The following CARS2 variants were observed in gnomAD, a reference collection of about 807,000 sequenced individuals.
The protein encoded by CARS2 is cysteinyl-tRNA synthetase 2, mitochondrial.
In CARS2, 52 loss-of-function variants were observed where a neutral mutation model predicts 68.8. The ratio of observed to expected loss-of-function variants is 0.76; its 90% CI spans 0.61 to 0.95. CARS2 has a LOEUF of 0.95. Among genes scored for constraint, CARS2 ranks in the 40% least tolerant of loss-of-function variants. The probability of loss-of-function intolerance (pLI) is 0.00; values close to 1 mark genes in which losing one functional copy is unlikely to be tolerated. For missense variants in CARS2, 780 were observed against 754.2 expected (o/e 1.03, Z -0.40); for synonymous variants, 314 against 303.6 (o/e 1.03, Z -0.36).
chr13:110,648,712 T>A (rs2062115991), intron 10 of CARS2: 1 of 152,134 alleles, frequency 6.6e-6, no homozygotes, highest in Admixed American at 6.5e-5. Flanking sequence ...GGCAGATCGG[T>A]GCCTCCTGAA....
chr13:110,691,795 A>G (rs890492265), intron 3 of CARS2, among the ~76,000 whole-genome samples: 3 of 151,984 alleles, frequency 2.0e-5, no homozygotes, highest in Admixed American at 2.0e-4. Flanking sequence ...CTTTAAAGCC[A>G]CAGATAACAG....
rs1594329497 is a variant in CARS2 at position 110,676,928 on chromosome 13, C to G, written c.785+46G>C. On this transcript the variant is annotated intron_variant, in intron 7 of 14. Transcript: ENST00000257347. The surrounding 1 kb of genome is among the most constrained non-coding windows in gnomAD (Gnocchi z 4.0). ...ATCCTCTGCTGCCCTGAGCAGGCAC[C>G]AGGGGAACTTGAGCCCCAACCCCCA... 1 of 1,492,000 alleles carries G rather than the reference C, an allele frequency of 6.7e-7. No individual in the cohort carries two copies. The highest frequency in any genetic ancestry group is 2.5e-5 in the East Asian group (1 of 40,766). 92.4% of individuals were successfully genotyped at this position (1,492,000 alleles called of 1,614,324 possible).
At position 110,645,940 on chromosome 13, in the gene CARS2, C is replaced by T. The variant is rs116312064; in HGVS notation, c.1317+27G>A. On this transcript the variant is annotated intron_variant, in intron 12 of 14. Transcript: ENST00000257347. ...CGACCCATGCCCCTGGCAGCAGGAC[C>T]GCAAGGCCACCTGTTCGTTGAGCTA... 16,645 of 1,607,402 alleles carry T rather than the reference C, an allele frequency of 0.01. 108 individuals are homozygous for T. Among genetic ancestry groups the T allele is most frequent in the African/African-American group, 0.014 (1,012 of 74,636 alleles).
chr13:110,643,323 T>C (rs948103860), intron 13 of CARS2: 5 of 157,162 alleles, frequency 3.2e-5, no homozygotes, highest in Admixed American at 2.5e-4. Flanking sequence ...AACATGTACA[T>C]TGCAAAAACT....
chr13:110,642,491 A>G lies in CARS2; in HGVS notation c.1447T>C (p.Leu483=), dbSNP rs1173470463. ...ACCAGCTCGTCCACCACACCATGCAAGGTAGCCTCGCTGCCGTCTCCTGAA... is the reference window on the plus strand; with the variant it reads ...ACCAGCTCGTCCACCACACCATGCAGGGTAGCCTCGCTGCCGTCTCCTGAA... ...YVSGDGSEAT[L]HGVVDELVRF... The change falls in exon 14 of 15, where the codon TTG becomes CTG. Residue 483 remains leucine, a synonymous_variant. Transcript: ENST00000257347. 2 of 1,609,390 alleles carry G rather than the reference A, an allele frequency of 1.2e-6. No individual in the cohort carries two copies. The highest frequency in any genetic ancestry group is 1.7e-5 in the Admixed American group (1 of 59,664).
At chr13:110,712,687 G>C (rs1299042616) in intron 1 of CARS2, 1 of 669,602 alleles carries the variant, frequency 1.5e-6, no homozygotes, top group African/African-American at 1.8e-5. Context: ...GACGCCGGCC[G>C]ACCGGGTGTC....
chr13:110,642,207 CAAA>C, intron 14 of CARS2, 105 bp downstream of exon 14: 1 of 865,300 alleles, frequency 1.2e-6, no homozygotes, highest in Admixed American at 2.4e-5. Context: ...AACTCCGTCT[CAAA>C]AAAAAAGCAT....
chr13:110,688,286 T>C lies in CARS2; in HGVS notation c.394-268A>G, dbSNP rs1390659979. Among the ~76,000 whole-genome samples, 5 of 152,218 alleles carry C rather than the reference T, an allele frequency of 3.3e-5. No homozygotes were observed. In the East Asian group the frequency reaches 7.8e-4, roughly 24 times the overall value. ...AAATAATGTCACAATTTCCATTATA[T>C]AGTAAAAAACAAACCAGCTGGGTGC... is the stretch of plus-strand genomic sequence containing the variant. On this transcript the variant is annotated intron_variant, in intron 3 of 14. Coordinates refer to ENST00000257347, the MANE Select transcript of CARS2 (RefSeq NM_024537.4).
chr13:110,665,819 A>T lies in CARS2; in HGVS notation c.919+1521T>A, dbSNP rs2062633381. 1.0e-6 allele frequency: 1 copy of T among 985,312 alleles called. No homozygotes were observed. The highest frequency in any genetic ancestry group is 6.1e-5 in the Admixed American group (1 of 16,266). 61.0% of individuals were successfully genotyped at this position (985,312 alleles called of 1,614,324 possible). A position where few individuals can be genotyped will look rare whatever the true frequency, so the allele number is the denominator to read the frequency against. On this transcript the variant is annotated intron_variant, in intron 8 of 14. Coordinates refer to ENST00000257347, the MANE Select transcript of CARS2 (RefSeq NM_024537.4). This position sits in a 1 kb window ranked among gnomAD's most constrained non-coding sequence, Gnocchi z 4.3. ...ACCCAAGTGAACCCTGCTGCGGACC[A>T]GAAAACCGGAGCACTTCTGCATTTA...
intron 8 of CARS2, chr13:110,663,960 C>T (rs2062578535): frequency 2.0e-6 from 2 of 991,080 alleles, no homozygotes; most frequent in Non-Finnish European, 2.4e-6. Context: ...AACAGAGTGG[C>T]ACTTGTGGGT....
chr13:110,708,454 C>A (rs951426777), upstream of CARS2, among the ~76,000 whole-genome samples: 4 of 152,130 alleles, frequency 2.6e-5, no homozygotes, highest in African/African-American at 7.2e-5. Context: ...TCTGGACATG[C>A]GGTATATTTG....
At position 110,667,480 on chromosome 13, in the gene CARS2, GAC is replaced by G; in HGVS notation, c.786-9_786-8del. On this transcript the variant is annotated splice_polypyrimidine_tract_variant and splice_region_variant and intron_variant, in intron 7 of 14. Coordinates refer to ENST00000257347, the MANE Select transcript of CARS2 (RefSeq NM_024537.4). ...TTGACTTCCAAATACCATACTGCAAGACACAGTGCAAAGTAGTGAATTCATTC... is the reference window on the plus strand; with the variant it reads ...TTGACTTCCAAATACCATACTGCAAGACAGTGCAAAGTAGTGAATTCATTC... The G allele has an allele frequency of 6.2e-7, 1 of 1,612,896 alleles. No homozygotes were observed.
At position 110,653,880 on chromosome 13, in the gene CARS2, C is replaced by G. The variant is rs1020172895; in HGVS notation, c.988-2780G>C. On this transcript the variant is annotated intron_variant, in intron 9 of 14. Transcript: ENST00000257347. The surrounding 1 kb of genome is among the most constrained non-coding windows in gnomAD (Gnocchi z 5.6). ...ATTAATTTTTTAGCGTGTTCCTGCT[C>G]TGTGCCGGCTGATATCAGCAAGTTT... Among the ~76,000 whole-genome samples, 6 of 152,230 alleles carry G rather than the reference C, an allele frequency of 3.9e-5. No individual in the cohort carries two copies. Among genetic ancestry groups the G allele is most frequent in the African/African-American group, 1.4e-4 (6 of 41,464 alleles).
chr13:110,697,910 A>G, intron 3 of CARS2: 1 of 453,306 alleles, frequency 2.2e-6, no homozygotes. Flanking sequence ...AAATAGGAAG[A>G]CAGAGACCTC....
chr13:110,676,154 C>G lies in CARS2; in HGVS notation c.785+820G>C, dbSNP rs2062943153. 6.6e-6 allele frequency among the ~76,000 whole-genome samples: 1 copy of G among 151,990 alleles called. No homozygotes were observed. The highest frequency in any genetic ancestry group is 2.1e-4 in the South Asian group (1 of 4,826). On this transcript the variant is annotated intron_variant, in intron 7 of 14. Transcript: ENST00000257347. This position sits in a 1 kb window ranked among gnomAD's most constrained non-coding sequence, Gnocchi z 4.0. The stretch of plus-strand genomic sequence containing the variant: ...GGGCAAGAAGAGTGAACCTCCGTCT[C>G]AAAACAAAAAAACAGGAACATGAAA...
intron 7 of CARS2, among the ~76,000 whole-genome samples, chr13:110,674,111 A>G (rs2139794371): frequency 6.6e-6 from 1 of 152,348 alleles, no homozygotes; most frequent in Non-Finnish European, 1.5e-5. Flanking sequence ...GGAAGAATCA[A>G]TATCGTGAAA....
At chr13:110,642,722 C>A (rs1566633807) in intron 13 of CARS2, 1 of 758,482 alleles carries the variant, frequency 1.3e-6, no homozygotes, top group African/African-American at 1.7e-5. Flanking sequence ...CCACTCAACT[C>A]TGAGCATCTG....
At chr13:110,712,917 G>T in intron 1 of CARS2, 1 of 1,551,504 alleles carries the variant, frequency 6.4e-7, no homozygotes, top group Non-Finnish European at 8.7e-7. Context: ...GGGCGGTGAC[G>T]GATGGCGCAG....
intron 7 of CARS2, among the ~76,000 whole-genome samples, chr13:110,675,918 G>A (rs935574345): frequency 6.6e-6 from 1 of 152,192 alleles, no homozygotes; most frequent in African/African-American, 2.4e-5. Flanking sequence ...CACTTTGGGA[G>A]GCCAAGGCGG....
Sources: allele counts gnomAD v4.1 joint callset (sites outside exome capture counted in the v4.1 genomes callset), GRCh38; gene constraint gnomAD v4.1.1; non-coding constraint Gnocchi (gnomAD v3.1); transcripts MANE v1.5; gene names NCBI Gene and HGNC (gene_info 2026-07-23, HGNC 2026-07-21).